Variants in DPP8 observed in about 807,000 individuals in gnomAD.
The protein encoded by DPP8 is DPP VIII.
Under a neutral mutation model 107.5 loss-of-function variants are expected in DPP8, and 31 were observed. The observed-to-expected ratio is 0.29, with a 90% confidence interval of 0.22 to 0.39. The LOEUF is 0.39. Among genes scored for constraint, DPP8 ranks in the 10% least tolerant of loss-of-function variants. The probability of loss-of-function intolerance (pLI) is 1.00; values close to 1 mark genes in which losing one functional copy is unlikely to be tolerated. For synonymous variants in DPP8, 381 were observed against 356.6 expected (o/e 1.07, Z -0.77); for missense variants, 842 against 1,076.1 (o/e 0.78, Z 3.04).
intron 3 of DPP8, among the ~76,000 whole-genome samples, chr15:65,505,447 T>A (rs1283531743): frequency 3.3e-5 from 5 of 152,252 alleles, no homozygotes; most frequent in Middle Eastern, 6.8e-3. Context: ...TAAGATTTAA[T>A]CCTTGTTGAA....
chr15:65,448,217 T>TA (rs538830645), intron 19 of DPP8, among the ~76,000 whole-genome samples: 18 of 151,578 alleles, frequency 1.2e-4, no homozygotes, highest in East Asian at 5.8e-4. Flanking sequence ...AGACTCTATT[T>TA]AAAAAAAATA....
intron 7 of DPP8, 91 bp downstream of exon 7, chr15:65,487,599 A>G: frequency 2.4e-6 from 3 of 1,263,264 alleles, no homozygotes; most frequent in East Asian, 5.1e-5. Context: ...GAAATGACCA[A>G]TGTTGTTGGC....
chr15:65,467,108 G>C lies in DPP8; in HGVS notation c.1652C>G (p.Thr551Ser). 2 of 1,614,172 alleles carry C rather than the reference G, an allele frequency of 1.2e-6. No homozygotes were observed. Among genetic ancestry groups the C allele is most frequent in the Non-Finnish European group, 1.7e-6 (2 of 1,180,024 alleles). Residue 551 changes from threonine (T) to serine (S), a missense_variant, in exon 13 of 20, where the codon ACT (threonine) becomes AGT (serine). Coordinates refer to ENST00000300141, the MANE Select transcript of DPP8 (RefSeq NM_130434.5). ...YVNPGEVTRL[T>S]DRGYSHSCCI... Reference sequence around the variant, plus strand: ...GCAAGAATGTGAGTAGCCACGGTCAGTCAGCCTTGTCACCTCTCCAGGATT... The same window carrying C: ...GCAAGAATGTGAGTAGCCACGGTCACTCAGCCTTGTCACCTCTCCAGGATT...
At position 65,501,078 on chromosome 15, in the gene DPP8, C is replaced by T. The variant is rs545324331; in HGVS notation, c.373-299G>A. Reference sequence around the variant, plus strand: ...GTTTTTAGTAGAGACGGGGTTTCACCGTGTTAGCCAGGATGGTCTCCATCT... The same window carrying T: ...GTTTTTAGTAGAGACGGGGTTTCACTGTGTTAGCCAGGATGGTCTCCATCT... On this transcript the variant is annotated intron_variant, in intron 3 of 19. Transcript: ENST00000300141. Among the ~76,000 whole-genome samples, 17 of 152,074 alleles carry T rather than the reference C, an allele frequency of 1.1e-4. No individual in the cohort carries two copies. The South Asian group carries it at 3.1e-3, about 28-fold the overall frequency.
intron 10 of DPP8, among the ~76,000 whole-genome samples, chr15:65,479,571 G>A (rs1295195217): frequency 6.6e-6 from 1 of 152,154 alleles, no homozygotes. Flanking sequence ...TTGGCCGGGT[G>A]CGGTGGCTCA....
At chr15:65,504,817 A>G (rs1471450305) in intron 3 of DPP8, among the ~76,000 whole-genome samples, 1 of 151,688 alleles carries the variant, frequency 6.6e-6, no homozygotes, top group African/African-American at 2.4e-5. Flanking sequence ...CCCTGTCTCT[A>G]CAAAACATTT....
In DPP8 at chr15:65,496,151, T is replaced by C. The variant is rs546980250; in HGVS notation, c.715+1713A>G. Among the ~76,000 whole-genome samples the C allele has an allele frequency of 6.8e-4, 103 of 151,858 alleles. No individual in the cohort carries two copies. In the Middle Eastern group the frequency reaches 0.017, roughly 25 times the overall value. Reference sequence around the variant, plus strand: ...GGCACCCGCCACCACGCCCGGCTAATTTTTTGTAGTTTTCGTAGAGACAGG... The same window carrying C: ...GGCACCCGCCACCACGCCCGGCTAACTTTTTGTAGTTTTCGTAGAGACAGG... On this transcript the variant is annotated intron_variant, in intron 5 of 19. Coordinates refer to ENST00000300141, the MANE Select transcript of DPP8 (RefSeq NM_130434.5).
chr15:65,480,359 G>C lies in DPP8; in HGVS notation c.1159C>G (p.Gln387Glu), dbSNP rs1483236273. 1.2e-6 allele frequency: 2 copies of C among 1,613,498 alleles called. No individual in the cohort carries two copies. The highest frequency in any genetic ancestry group is 4.5e-5 in the East Asian group (2 of 44,868). ...ILLDRSQTRL[Q>E]IVLISPELFI... The stretch of plus-strand genomic sequence containing the variant: ...AATTCAGGTGAGATCAACACTATCT[G>C]TAGGCGAGTCTGGGAGCGATCTAGT... The change falls in exon 10 of 20, where the codon CAG becomes GAG. Residue 387 changes from glutamine to glutamate, a missense_variant. By Grantham distance (29) the Gln-to-Glu change is conservative. Coordinates refer to ENST00000300141, the MANE Select transcript of DPP8 (RefSeq NM_130434.5).
rs571869039 is a variant in DPP8, at chr15:65,473,304, G to A, written c.1536+905C>T. On this transcript the variant is annotated intron_variant, in intron 12 of 19. Transcript: ENST00000300141. Reference sequence around the variant, plus strand: ...CATGCCACTGCACTCCAACCTGGGCGACAGAGTGAGACTCCATCTCCAAAA... The same window carrying A: ...CATGCCACTGCACTCCAACCTGGGCAACAGAGTGAGACTCCATCTCCAAAA... Among the ~76,000 whole-genome samples the A allele has an allele frequency of 3.3e-4, 48 of 143,632 alleles. No individual in the cohort carries two copies. The East Asian group carries it at 4.0e-3, about 12-fold the overall frequency. The allele number at this position is 143,632 out of a possible 152,430, so 94.2% of individuals were successfully genotyped here.
chr15:65,499,573 GT>G (rs758643819), intron 4 of DPP8, among the ~76,000 whole-genome samples: 2 of 150,726 alleles, frequency 1.3e-5, no homozygotes, highest in East Asian at 1.9e-4. Flanking sequence ...AAATTTGTAT[GT>G]TTTTTTTTAA....
chr15:65,474,420 A>T (rs2066198171), intron 11 of DPP8, 132 bp from the exon 12 acceptor site: 1 of 647,862 alleles, frequency 1.5e-6, no homozygotes, highest in Non-Finnish European at 2.7e-6. Flanking sequence ...TTGGAACTAG[A>T]CAGAGATGAT....
intron 7 of DPP8, among the ~76,000 whole-genome samples, chr15:65,486,298 A>G (rs1481236760): frequency 5.0e-5 from 7 of 140,812 alleles, no homozygotes; most frequent in Non-Finnish European, 7.7e-5. Flanking sequence ...GCTACTCGGG[A>G]GGCTGAGGCA....
intron 11 of DPP8, among the ~76,000 whole-genome samples, chr15:65,475,158 C>A (rs1169783153): frequency 6.6e-6 from 1 of 152,190 alleles, no homozygotes; most frequent in East Asian, 1.9e-4. Flanking sequence ...ACCTCTGACA[C>A]TGGGGTAAAG....
intron 5 of DPP8, among the ~76,000 whole-genome samples, chr15:65,496,205 G>A (rs1279659466): frequency 6.6e-6 from 1 of 151,892 alleles, no homozygotes; most frequent in East Asian, 1.9e-4. Context: ...GGATGGTCTC[G>A]ATCTCTTGAC....
chr15:65,472,744 A>T (rs1415135376), intron 12 of DPP8, among the ~76,000 whole-genome samples: 1 of 152,212 alleles, frequency 6.6e-6, no homozygotes, highest in African/African-American at 2.4e-5. Flanking sequence ...AATACATTTT[A>T]AAATGGTGGG....
At chr15:65,495,800 T>C (rs1461976983) in intron 5 of DPP8, among the ~76,000 whole-genome samples, 1 of 151,620 alleles carries the variant, frequency 6.6e-6, no homozygotes, top group East Asian at 2.0e-4. Flanking sequence ...GGGAATCACC[T>C]GAACCCGAGA....
Position 65,487,794 on chromosome 15 carries a change from C to A in DPP8, c.851G>T (p.Arg284Ile). 1.3e-6 allele frequency: 2 copies of A among 1,573,746 alleles called. No homozygotes were observed. Among genetic ancestry groups the A allele is most frequent in the East Asian group, 2.3e-5 (1 of 44,360 alleles). The part of the protein sequence containing the change: ...ETTPSGGKIL[R>I]ILYEENDESE... ...TTCATCATTTTCTTCATATAGAATT[C>A]TAAGAATTTTACCACCACTGGGAGC... Residue 284 changes from arginine to isoleucine, a missense_variant, in exon 7 of 20, where the codon AGA becomes ATA. This residue lies in a region of DPP8 where 663 missense variants were observed against 758.0 expected (regional missense o/e 0.87). Transcript: ENST00000300141.
Position 65,442,924 on chromosome 15 carries a change from C to A in DPP8, c.*3960G>T, listed in dbSNP as rs2063348291. ...TTATATAGTTTAGAAATGGCCATGT[C>A]TCTTTTCTTACATCAAATAGCTATA... On this transcript the variant is annotated 3_prime_UTR_variant, in exon 20 of 20. Coordinates refer to ENST00000300141, the MANE Select transcript of DPP8 (RefSeq NM_130434.5). 6.6e-6 allele frequency: 1 copy of A among 152,162 alleles called. No homozygotes were observed. Among genetic ancestry groups the A allele is most frequent in the South Asian group, 2.1e-4 (1 of 4,834 alleles). The allele number at this position is 152,162 out of a possible 1,614,324, so 9.4% of individuals were successfully genotyped here. A position where few individuals can be genotyped will look rare whatever the true frequency, so the allele number is the denominator to read the frequency against.
At chr15:65,485,966 C>T (rs541054656) in intron 7 of DPP8, among the ~76,000 whole-genome samples, 12 of 151,468 alleles carry the variant, frequency 7.9e-5, no homozygotes, top group African/African-American at 1.5e-4. Context: ...TGGTGGCACA[C>T]GCCTGTAATC....
Sources: allele counts gnomAD v4.1 joint callset (sites outside exome capture counted in the v4.1 genomes callset), GRCh38; gene constraint gnomAD v4.1.1; regional missense constraint gnomAD v4.1.1; transcripts MANE v1.5; gene names NCBI Gene and HGNC (gene_info 2026-07-23, HGNC 2026-07-21).